PCLO: variants seen among roughly 807,000 people sequenced by gnomAD.
PCLO encodes protein piccolo.
A neutral mutation model predicts 427.5 loss-of-function variants in PCLO; 82 were observed. The ratio of observed to expected loss-of-function variants is 0.19; its 90% CI spans 0.16 to 0.23. PCLO has a LOEUF of 0.23. Among genes scored for constraint, PCLO ranks in the 10% least tolerant of loss-of-function variants. The pLI, the probability that PCLO is intolerant of heterozygous loss-of-function variation, is 1.00. For synonymous variants in PCLO, 2,357 were observed against 2,155.4 expected (o/e 1.09, Z -2.59); for missense variants, 6,239 against 6,115.9 (o/e 1.02, Z -0.67).
rs542703947 is a variant in PCLO, at chr7:82,887,209, C to G, written c.13529-7747G>C. On this transcript the variant is annotated intron_variant, in intron 9 of 24. Coordinates refer to ENST00000333891, the MANE Select transcript of PCLO (RefSeq NM_033026.6). ...TGAGACTGCTAAGGAGGGTTAGAAA[C>G]TTGCTGTAGGATGTCCAGCATACAA... Among the ~76,000 whole-genome samples, 38 of 152,224 alleles carry G rather than the reference C, an allele frequency of 2.5e-4. 1 individual carries two copies. The highest frequency in any genetic ancestry group is 8.4e-4 in the African/African-American group (35 of 41,562).
rs745824155 is a variant in PCLO, at chr7:83,093,472, G to GTGTGTGTGTATATATA, written c.3300+40777_3300+40778insTATATATACACACACA. On this transcript the variant is annotated intron_variant, in intron 3 of 24. Transcript: ENST00000333891. ...ACCACAAACATATATATGTGTGTGT[G>GTGTGTGTGTATATATA]TATAGATATATATATATATATTTTT... Among the ~76,000 whole-genome samples the GTGTGTGTGTATATATA allele has an allele frequency of 9.0e-3, 888 of 98,802 alleles. 105 individuals carry two copies. Among genetic ancestry groups the GTGTGTGTGTATATATA allele is most frequent in the East Asian group, 0.029 (74 of 2,550 alleles). The allele number at this position is 98,802 out of a possible 152,430, so 64.8% of individuals were successfully genotyped here.
chr7:82,879,354 G>C lies in PCLO; in HGVS notation c.13637C>G (p.Thr4546Arg). 6.2e-7 allele frequency: 1 copy of C among 1,610,594 alleles called. No individual in the cohort carries two copies. Among genetic ancestry groups the C allele is most frequent in the Non-Finnish European group, 8.5e-7 (1 of 1,178,072 alleles). The change falls in exon 10 of 25, where the codon ACG becomes AGG. Residue 4546 changes from threonine (T) to arginine (R), a missense_variant. By Grantham distance (71) the Thr-to-Arg change is moderately conservative. Coordinates refer to ENST00000333891, the MANE Select transcript of PCLO (RefSeq NM_033026.6). ...ATTCTTACCTTCCATAAGCTTCCCC[G>C]TCTGTTCCGCACTTCCCCCAGGAAG... ...KILPGGSAEQ[T>R]GKLMEGMQVL...
At chr7:83,062,310 T>G (rs2116319403) in intron 3 of PCLO, among the ~76,000 whole-genome samples, 1 of 152,234 alleles carries the variant, frequency 6.6e-6, no homozygotes, top group African/African-American at 2.4e-5. Flanking sequence ...AAATCATAGG[T>G]AAAATTAAAA....
At chr7:83,100,366 T>C (rs1401172171) in intron 3 of PCLO, among the ~76,000 whole-genome samples, 4 of 152,106 alleles carry the variant, frequency 2.6e-5, no homozygotes, top group Non-Finnish European at 5.9e-5. Flanking sequence ...CATGTATATA[T>C]TGCAGCACTA....
intron 10 of PCLO, among the ~76,000 whole-genome samples, chr7:82,850,941 T>C (rs1338402305): frequency 6.6e-6 from 1 of 152,098 alleles, no homozygotes; most frequent in African/African-American, 2.4e-5. Context: ...CATTAGTCAT[T>C]AGAAAGTGCA....
At chr7:82,989,156 T>A (rs1221753247) in intron 3 of PCLO, among the ~76,000 whole-genome samples, 3 of 152,088 alleles carry the variant, frequency 2.0e-5, no homozygotes, top group Non-Finnish European at 2.9e-5. Context: ...CATGTAGATC[T>A]TTCTAAAGGA....
chr7:82,834,129 A>T (rs910030897), intron 16 of PCLO, among the ~76,000 whole-genome samples: 2 of 152,164 alleles, frequency 1.3e-5, no homozygotes, highest in African/African-American at 4.8e-5. Flanking sequence ...ACATGGTATT[A>T]TTTATAATTT....
At chr7:82,848,750 G>A (rs995320809) in intron 10 of PCLO, 2 of 201,482 alleles carry the variant, frequency 9.9e-6, no homozygotes, top group Non-Finnish European at 2.1e-5. Flanking sequence ...ATATTAGAAA[G>A]CATATTACCA....
At chr7:82,959,219 A>C (rs1413689707) in intron 4 of PCLO, among the ~76,000 whole-genome samples, 1 of 152,064 alleles carries the variant, frequency 6.6e-6, no homozygotes, top group African/African-American at 2.4e-5. Context: ...GGCATGTGCC[A>C]CCACGCCTGG....
rs116738326 is a variant in PCLO at position 82,984,720 on chromosome 7, G to A, written c.3301-18233C>T. Among the ~76,000 whole-genome samples, 1,379 of 151,878 alleles carry A rather than the reference G, an allele frequency of 9.1e-3. 21 individuals are homozygous for A. The highest frequency in any genetic ancestry group is 0.032 in the African/African-American group (1,314 of 41,458). On this transcript the variant is annotated intron_variant, in intron 3 of 24. Coordinates refer to ENST00000333891, the MANE Select transcript of PCLO (RefSeq NM_033026.6). ...TTTAGGCCTATTTTTCTCTTAATTT[G>A]GGTGTAATATAACACAGTCATGCCT...
intron 20 of PCLO, among the ~76,000 whole-genome samples, chr7:82,806,036 A>G (rs918372616): frequency 6.6e-6 from 1 of 152,202 alleles, no homozygotes; most frequent in African/African-American, 2.4e-5. Flanking sequence ...ATTGGACATC[A>G]AGGAAAAGCA....
intron 3 of PCLO, among the ~76,000 whole-genome samples, chr7:83,059,676 C>T (rs1185379909): frequency 6.6e-6 from 1 of 151,990 alleles, no homozygotes; most frequent in African/African-American, 2.4e-5. Context: ...ATCCATTCAG[C>T]TTGGTGGTTA....
At chr7:82,874,256 A>G (rs1302708742) in intron 10 of PCLO, among the ~76,000 whole-genome samples, 2 of 152,192 alleles carry the variant, frequency 1.3e-5, no homozygotes, top group African/African-American at 4.8e-5. Flanking sequence ...TATAAAGGAA[A>G]AAAAACTGAC....
At chr7:82,824,458 A>G (rs768594646) in intron 18 of PCLO, 42 bp from the exon 19 acceptor site, 1 of 1,260,366 alleles carries the variant, frequency 7.9e-7, no homozygotes, top group South Asian at 1.4e-5. Flanking sequence ...TAGGGACTAA[A>G]GTATAATTGA....
At chr7:82,925,830 C>G (rs1367175309) in intron 6 of PCLO, among the ~76,000 whole-genome samples, 6 of 151,098 alleles carry the variant, frequency 4.0e-5, no homozygotes, top group Non-Finnish European at 8.8e-5. Context: ...ATCCTCCCAC[C>G]TCAGCCTCTG....
intron 3 of PCLO, among the ~76,000 whole-genome samples, chr7:83,050,141 G>A (rs1278195885): frequency 7.2e-5 from 10 of 138,186 alleles, no homozygotes; most frequent in Admixed American, 4.6e-4. Context: ...AATCTGGGTC[G>A]GAAAGCCAGT....
At chr7:82,763,842 C>T (rs1210472776) in intron 22 of PCLO, among the ~76,000 whole-genome samples, 1 of 151,928 alleles carries the variant, frequency 6.6e-6, no homozygotes, top group East Asian at 1.9e-4. Flanking sequence ...TTTCAAGAAA[C>T]TCCAAGCATA....
intron 3 of PCLO, among the ~76,000 whole-genome samples, chr7:82,994,813 A>C (rs1239906800): frequency 1.3e-5 from 2 of 152,012 alleles, no homozygotes; most frequent in Admixed American, 1.3e-4. Flanking sequence ...TAGTGGGGAA[A>C]AAACGATGAG....
At chr7:82,805,213 A>G (rs944146786) in intron 21 of PCLO, among the ~76,000 whole-genome samples, 3 of 152,158 alleles carry the variant, frequency 2.0e-5, no homozygotes, top group Non-Finnish European at 4.4e-5. Context: ...TTCAATGTTA[A>G]TTGTAGAAGG....
Sources: gnomAD v4.1 joint callset for allele counts (sites outside exome capture counted in the v4.1 genomes callset) on GRCh38, gnomAD v4.1.1 for gene constraint, MANE v1.5 for transcripts, NCBI Gene and HGNC (gene_info 2026-07-23, HGNC 2026-07-21) for gene names.